XXYLT1: variants seen among roughly 807,000 people sequenced by gnomAD.
XXYLT1 encodes the protein UDP-xylose:alpha-xyloside alpha-1,3-xylosyltransferase.
XXYLT1 carries 20 observed loss-of-function variants against 28.9 expected under a neutral mutation model. The observed-to-expected ratio is 0.69, with a 90% CI of 0.49 to 1.00. XXYLT1 has a LOEUF of 1.00. Among genes scored for constraint, XXYLT1 ranks in the 50% least tolerant of loss-of-function variants. The pLI is 0.00. For missense variants in XXYLT1, 542 were observed against 560.1 expected, an observed-to-expected ratio of 0.97 and a Z score of 0.33; for synonymous variants, 257 against 253.8, an observed-to-expected ratio of 1.01 and a Z score of -0.12.
chr3:195,193,172 C>T (rs1286449139), intron 2 of XXYLT1, among the ~76,000 whole-genome samples: 2 of 151,718 alleles, frequency 1.3e-5, no homozygotes, highest in Non-Finnish European at 1.5e-5. Flanking sequence ...CCTGTAATCC[C>T]AGCTACTTGG....
chr3:195,114,681 A>G (rs1717951457), intron 3 of XXYLT1, among the ~76,000 whole-genome samples: 1 of 152,226 alleles, frequency 6.6e-6, no homozygotes, highest in Non-Finnish European at 1.5e-5. Context: ...ACCCAAATGA[A>G]CAGCACTTGA....
rs1715140693 is a variant in XXYLT1 at position 195,076,687 on chromosome 3, A to G, written c.786-6576T>C. 6.6e-6 allele frequency among the ~76,000 whole-genome samples: 1 copy of G among 152,054 alleles called. No homozygotes were observed. The highest frequency in any genetic ancestry group is 6.5e-5 in the Admixed American group (1 of 15,272). On this transcript the variant is annotated intron_variant, in intron 3 of 3. Coordinates refer to ENST00000310380, the MANE Select transcript of XXYLT1 (RefSeq NM_152531.5). This position sits in a 1 kb window ranked among gnomAD's most constrained non-coding sequence, Gnocchi z 5.3. ...GCTGGCTCTGTCTGGGCTAGGAGGGAGGGTCTGTTCCAGGCGCTCCCCTCG... is the reference window on the plus strand; with the variant it reads ...GCTGGCTCTGTCTGGGCTAGGAGGGGGGGTCTGTTCCAGGCGCTCCCCTCG...
At chr3:195,137,588 C>G (rs1362543382) in intron 3 of XXYLT1, among the ~76,000 whole-genome samples, 1 of 152,222 alleles carries the variant, frequency 6.6e-6, no homozygotes, top group Non-Finnish European at 1.5e-5. Context: ...TAGGCCAGGA[C>G]AAATTCCTTC....
intron 1 of XXYLT1, among the ~76,000 whole-genome samples, chr3:195,254,774 C>T (rs537782918): frequency 1.3e-5 from 2 of 152,366 alleles, no homozygotes; most frequent in East Asian, 1.9e-4. Context: ...ACCTAGCACG[C>T]GTCAAGCACA....
intron 2 of XXYLT1, among the ~76,000 whole-genome samples, chr3:195,196,195 G>A (rs1577133206): frequency 6.6e-6 from 1 of 152,124 alleles, no homozygotes; most frequent in Non-Finnish European, 1.5e-5. Context: ...TGTGACTGAG[G>A]AGCTGAATTT....
At chr3:195,175,564 C>T (rs1374398081) in intron 2 of XXYLT1, 37 of 1,533,976 alleles carry the variant, frequency 2.4e-5, no homozygotes, top group Non-Finnish European at 3.0e-5. Flanking sequence ...AGTTAGGACA[C>T]AGGTCTGGGT....
At chr3:195,252,692 C>CA (rs1553832339) in intron 1 of XXYLT1, among the ~76,000 whole-genome samples, 1 of 84,208 alleles carries the variant, frequency 1.2e-5, no homozygotes, top group Non-Finnish European at 2.3e-5. Flanking sequence ...AGAAAAAAAA[C>CA]CACACACACA....
At chr3:195,169,359 G>A (rs1270132624) in intron 2 of XXYLT1, among the ~76,000 whole-genome samples, 1 of 152,170 alleles carries the variant, frequency 6.6e-6, no homozygotes, top group Non-Finnish European at 1.5e-5. Flanking sequence ...GAAGGCACTC[G>A]GCATCACTTC....
intron 1 of XXYLT1, among the ~76,000 whole-genome samples, chr3:195,241,909 T>C (rs1577187673): frequency 6.6e-6 from 1 of 152,128 alleles, no homozygotes. Context: ...ATTTCCTCCA[T>C]AATACTTATC....
At chr3:195,141,726 G>A (rs528143647) in intron 3 of XXYLT1, among the ~76,000 whole-genome samples, 2 of 152,296 alleles carry the variant, frequency 1.3e-5, no homozygotes, top group South Asian at 2.1e-4. Context: ...GGAATCTAAC[G>A]TGTTGTCCAG....
At chr3:195,246,477 C>T (rs1725029492) in intron 1 of XXYLT1, among the ~76,000 whole-genome samples, 2 of 152,340 alleles carry the variant, frequency 1.3e-5, no homozygotes, top group South Asian at 4.1e-4. Context: ...GACCTTCAAA[C>T]ACACGGGCCT....
intron 1 of XXYLT1, chr3:195,270,305 A>G: frequency 1.1e-6 from 1 of 894,762 alleles, no homozygotes; most frequent in Admixed American, 3.6e-5. Context: ...GCTGCGCTTA[A>G]CTGGGGGAGA....
intron 3 of XXYLT1, among the ~76,000 whole-genome samples, chr3:195,079,997 A>T (rs976586318): frequency 2.0e-5 from 3 of 152,122 alleles, no homozygotes; most frequent in Non-Finnish European, 4.4e-5. Context: ...TGTTAGTTTC[A>T]AATGGATGGA....
In XXYLT1 at chr3:195,176,740, CA is replaced by C. The variant is rs1721685123; in HGVS notation, c.653-20160del. Among the ~76,000 whole-genome samples the C allele has an allele frequency of 6.6e-6, 1 of 152,142 alleles. No homozygotes were observed. The highest frequency in any genetic ancestry group is 2.4e-5 in the African/African-American group (1 of 41,390). On this transcript the variant is annotated intron_variant, in intron 2 of 3. Transcript: ENST00000310380. This position sits in a 1 kb window ranked among gnomAD's most constrained non-coding sequence, Gnocchi z 4.9. ...CTAAGGACTCTAAACATGCAAAAGG[CA>C]GATGTTTGGGGTTGGAATTGACAAT...
Position 195,270,831 on chromosome 3 carries a change from G to C in XXYLT1, c.228C>G (p.Gly76=). The change falls in exon 1 of 4, where the codon GGC becomes GGG. Residue 76 remains glycine (G), a synonymous_variant. Transcript: ENST00000310380. ...PSPPALELAR[G]SVAPAPGAKA... ...TCGCGCCGGGGGCTGGCGCCACGGA[G>C]CCCCGCGCTAGCTCCAGCGCGGGCG... 6.8e-7 allele frequency: 1 copy of C among 1,466,764 alleles called. No individual in the cohort carries two copies. Among genetic ancestry groups the C allele is most frequent in the South Asian group, 1.3e-5 (1 of 74,984 alleles). 90.9% of individuals were successfully genotyped at this position (1,466,764 alleles called of 1,614,324 possible). A position where few individuals can be genotyped will look rare whatever the true frequency, so the allele number is the denominator to read the frequency against.
Position 195,069,669 on chromosome 3 carries a change from C to G in XXYLT1, c.*46G>C. On this transcript the variant is annotated 3_prime_UTR_variant, in exon 4 of 4. Coordinates refer to ENST00000310380, the MANE Select transcript of XXYLT1 (RefSeq NM_152531.5). ...TTGGGTCTGTCCCAAGGAACCCTGTCCTTCCCCCAGATCTGGAGGCCCCGG... is the reference window on the plus strand; with the variant it reads ...TTGGGTCTGTCCCAAGGAACCCTGTGCTTCCCCCAGATCTGGAGGCCCCGG... 6.4e-7 allele frequency: 1 copy of G among 1,568,676 alleles called. No individual in the cohort carries two copies. Among genetic ancestry groups the G allele is most frequent in the Middle Eastern group, 1.7e-4 (1 of 5,770 alleles).
chr3:195,246,842 G>A (rs1725043390), intron 1 of XXYLT1, among the ~76,000 whole-genome samples: 1 of 152,090 alleles, frequency 6.6e-6, no homozygotes, highest in African/African-American at 2.4e-5. Flanking sequence ...GGTCTATCCA[G>A]CCCCCACAGC....
intron 2 of XXYLT1, among the ~76,000 whole-genome samples, chr3:195,161,573 G>A (rs1048153460): frequency 6.6e-6 from 1 of 151,936 alleles, no homozygotes; most frequent in Non-Finnish European, 1.5e-5. Context: ...TGGAAGAAAG[G>A]GTTTTATGCC....
At chr3:195,132,192 C>T (rs1398861449) in intron 3 of XXYLT1, among the ~76,000 whole-genome samples, 2 of 152,234 alleles carry the variant, frequency 1.3e-5, no homozygotes, top group Non-Finnish European at 2.9e-5. Flanking sequence ...CCTTTCTGTG[C>T]CTCAGCTTCC....
Sources: gnomAD v4.1 joint callset for allele counts (sites outside exome capture counted in the v4.1 genomes callset) on GRCh38, gnomAD v4.1.1 for gene constraint, Gnocchi (gnomAD v3.1) non-coding constraint, MANE v1.5 for transcripts, NCBI Gene and HGNC (gene_info 2026-07-23, HGNC 2026-07-21) for gene names.